The following EML2 variants were observed in gnomAD, a reference collection of about 807,000 sequenced individuals.
EML2 encodes EMAP like 2.
Under a neutral mutation model 84.7 loss-of-function variants are expected in EML2, and 59 were observed. The ratio of observed to expected loss-of-function variants is 0.70; its 90% confidence interval spans 0.56 to 0.86. EML2 has a LOEUF of 0.86. Among genes scored for constraint, EML2 ranks in the 40% least tolerant of loss-of-function variants. The pLI, the probability that EML2 is intolerant of heterozygous loss-of-function variation, is 0.00. For missense variants in EML2, 818 were observed against 855.6 expected, an observed-to-expected ratio of 0.96 and a Z score of 0.55; for synonymous variants, 352 against 348.9, an observed-to-expected ratio of 1.01 and a Z score of -0.10.
At chr19:45,644,703 C>T (rs1180414511), upstream of EML2, 4 of 455,936 alleles carry the variant, frequency 8.8e-6, no homozygotes, top group Non-Finnish European at 1.8e-5. Flanking sequence ...TCCTATCTCC[C>T]CTCACCTGAG....
At chr19:45,642,436 C>A, upstream of EML2, 1 of 1,468,054 alleles carries the variant, frequency 6.8e-7, no homozygotes, top group Non-Finnish European at 9.0e-7. Context: ...TGGGTCTAAG[C>A]GGGGGGCCAG....
upstream of EML2, chr19:45,644,665 C>G (rs1374256187): frequency 2.2e-6 from 1 of 455,948 alleles, no homozygotes; most frequent in East Asian, 6.9e-5. Context: ...GCCTCACTTC[C>G]CACTTTTCCC....
intron 3 of EML2, 120 bp downstream of exon 3, chr19:45,638,385 A>T (rs987232547): frequency 6.9e-7 from 1 of 1,443,636 alleles, no homozygotes; most frequent in Middle Eastern, 2.4e-4. Context: ...CAGGTCTCAA[A>T]CTCTTGGCCT....
chr19:45,642,576 G>C, upstream of EML2: 1 of 1,332,986 alleles, frequency 7.5e-7, no homozygotes, highest in East Asian at 2.9e-5. Context: ...CTGCCACAGC[G>C]CGCTGGCCGT....
upstream of EML2, chr19:45,641,354 C>T (rs964134267): frequency 7.3e-6 from 3 of 409,618 alleles, no homozygotes; most frequent in Non-Finnish European, 1.4e-5. Flanking sequence ...ACCTTAATAA[C>T]CACGCCCATA....
chr19:45,624,850 G>A, intron 8 of EML2, 32 bp from the exon 9 acceptor site: 4 of 1,529,940 alleles, frequency 2.6e-6, no homozygotes, highest in African/African-American at 1.4e-5. Context: ...AGGTGTCAGA[G>A]CGTCACTGAA....
At chr19:45,619,649 C>T (rs577021550) in intron 11 of EML2, among the ~76,000 whole-genome samples, 2 of 152,212 alleles carry the variant, frequency 1.3e-5, no homozygotes, top group African/African-American at 2.4e-5. Context: ...ACTGACCGAG[C>T]GCAGTCATCT....
In EML2 at chr19:45,615,894, G is replaced by A. The variant is rs781520013; in HGVS notation, c.1510-5C>T. The A allele has an allele frequency of 5.0e-6, 8 of 1,612,656 alleles. No individual in the cohort carries two copies. The highest frequency in any genetic ancestry group is 1.7e-5 in the Admixed American group (1 of 59,972). On this transcript the variant is annotated splice_region_variant and splice_polypyrimidine_tract_variant and intron_variant, in intron 15 of 18. Transcript: ENST00000245925. ...GGTGATAAAACTGGAATGGCCCTGC[G>A]GGGGAGGGAAGGGATGGTGTTAGAG...
Position 45,639,384 on chromosome 19 carries a change from G to A in EML2, c.-8C>T, listed in dbSNP as rs1974176725. On this transcript the variant is annotated 5_prime_UTR_variant, in exon 1 of 19. Transcript: ENST00000245925. ...AGCTCCAAAGCTACTCATGGCGGCG[G>A]GTGGCGGAGCTTCGGGGCCGGGGGT... 5 of 1,262,222 alleles carry A rather than the reference G, an allele frequency of 4.0e-6. No homozygotes were observed. Among genetic ancestry groups the A allele is most frequent in the Non-Finnish European group, 4.0e-6 (4 of 995,772 alleles). The allele number at this position is 1,262,222 out of a possible 1,614,324, so 78.2% of individuals were successfully genotyped here.
At chr19:45,637,662 C>CTTTTTTTTTTTTTTTTTT (rs1206550438) in intron 3 of EML2, among the ~76,000 whole-genome samples, 2 of 45,790 alleles carry the variant, frequency 4.4e-5, no homozygotes, top group Admixed American at 5.0e-4. Flanking sequence ...TTTTCTTTTT[C>CTTTTTTTTTTTTTTTTTT]TTTTCTTTTT....
intron 4 of EML2, among the ~76,000 whole-genome samples, chr19:45,633,457 G>GTTTTTTTTTTTT (rs34593917): frequency 4.8e-5 from 7 of 145,982 alleles, no homozygotes; most frequent in Non-Finnish European, 7.5e-5. Flanking sequence ...TGCCTATTCA[G>GTTTTTTTTTTTT]TTTTTTTTTT....
intron 12 of EML2, 55 bp downstream of exon 12, chr19:45,619,005 A>C: frequency 1.3e-6 from 2 of 1,507,376 alleles, no homozygotes; most frequent in Non-Finnish European, 1.8e-6. Flanking sequence ...GCCCTGACAC[A>C]GGGGGAAAGG....
At chr19:45,642,665 G>T (rs2122849852), upstream of EML2, 1 of 532,976 alleles carries the variant, frequency 1.9e-6, no homozygotes, top group East Asian at 7.2e-5. Flanking sequence ...GCTTTAAGAT[G>T]CTATGACTAA....
At chr19:45,623,820 G>A (rs1972000833) in intron 9 of EML2, among the ~76,000 whole-genome samples, 1 of 152,132 alleles carries the variant, frequency 6.6e-6, no homozygotes, top group African/African-American at 2.4e-5. Flanking sequence ...CAAAGTGCTG[G>A]GATTACAGGC....
rs1438379004 is a variant in EML2, at chr19:45,621,269, C to G, written c.1060G>C (p.Gly354Arg). ...AEGHGDTLYV[G>R]TTRNSILQGS... ...TGCAGGATGGAATTGCGGGTGGTCCCCACGTACAGTGTGTCTCCGTGGCCC... is the reference window on the plus strand; with the variant it reads ...TGCAGGATGGAATTGCGGGTGGTCCGCACGTACAGTGTGTCTCCGTGGCCC... The change falls in exon 11 of 19, where the codon GGG becomes CGG. Residue 354 changes from glycine to arginine, a missense_variant. Gly to Arg is a moderately radical substitution (Grantham distance 125). Transcript: ENST00000245925. 1 of 1,613,968 alleles carries G rather than the reference C, an allele frequency of 6.2e-7. No homozygotes were observed.
chr19:45,614,115 A>C (rs924096422), intron 17 of EML2, among the ~76,000 whole-genome samples: 10 of 152,140 alleles, frequency 6.6e-5, no homozygotes, highest in African/African-American at 2.2e-4. Context: ...CCTAGCTCAG[A>C]TGTCTCTTCC....
At chr19:45,638,656 T>A (rs2122810222) in intron 2 of EML2, 22 bp from the exon 3 acceptor site, 1 of 1,611,504 alleles carries the variant, frequency 6.2e-7, no homozygotes, top group East Asian at 2.2e-5. Flanking sequence ...CCCCCAGAGG[T>A]CAGGCACTGA....
At chr19:45,643,864 G>A, upstream of EML2, 1 of 1,088,448 alleles carries the variant, frequency 9.2e-7, no homozygotes, top group Non-Finnish European at 1.3e-6. Context: ...GAGGTCAGAA[G>A]GAGTGAGCCG....
At chr19:45,641,950 G>C, upstream of EML2, 4 of 1,445,254 alleles carry the variant, frequency 2.8e-6, no homozygotes, top group African/African-American at 5.7e-5. Flanking sequence ...TCTTGGGAGA[G>C]GATGGGGACG....
Sources: allele counts gnomAD v4.1 joint callset (sites outside exome capture counted in the v4.1 genomes callset), GRCh38; gene constraint gnomAD v4.1.1; transcripts MANE v1.5; gene names NCBI Gene and HGNC (gene_info 2026-07-23, HGNC 2026-07-21).